The following FARP2 variants were observed in gnomAD, a reference collection of about 807,000 sequenced individuals.
FARP2 encodes the protein FERM, ARH/RhoGEF and pleckstrin domain protein 2.
In FARP2, 111 loss-of-function variants were observed where a neutral mutation model predicts 130.5. The observed-to-expected ratio is 0.85, with a 90% CI of 0.73 to 1.00. The LOEUF is 1.00. Ranked by LOEUF, FARP2 falls within the 50% of genes least tolerant of loss-of-function variation. FARP2 has a pLI of 0.00. For missense variants in FARP2, 1,385 were observed against 1,346.3 expected (o/e 1.03, Z -0.45); for synonymous variants, 504 against 516.9 (o/e 0.98, Z 0.34).
At chr2:241,462,916 C>G (rs2064063770) in intron 15 of FARP2, among the ~76,000 whole-genome samples, 1 of 152,164 alleles carries the variant, frequency 6.6e-6, no homozygotes, top group African/African-American at 2.4e-5. Context: ...TCCCAAACTC[C>G]TGACCTCAAG....
intron 2 of FARP2, among the ~76,000 whole-genome samples, chr2:241,397,991 G>T (rs544937096): frequency 6.6e-6 from 1 of 151,362 alleles, no homozygotes; most frequent in Admixed American, 6.6e-5. Context: ...CACCATGCCC[G>T]GCTAATTTTT....
chr2:241,442,228 C>A (rs1442682729), intron 13 of FARP2: 1 of 456,730 alleles, frequency 2.2e-6, no homozygotes, highest in Non-Finnish European at 4.4e-6. Context: ...CTCAGCCAGT[C>A]AATCTGAGGC....
chr2:241,373,128 A>G lies in FARP2; in HGVS notation c.21A>G (p.Thr7=). 2 of 1,445,928 alleles carry G rather than the reference A, an allele frequency of 1.4e-6. No homozygotes were observed. Among genetic ancestry groups the G allele is most frequent in the Non-Finnish European group, 1.8e-6 (2 of 1,085,638 alleles). The allele number at this position is 1,445,928 out of a possible 1,614,324, so 89.6% of individuals were successfully genotyped here. ...GAAGAATGGGGGAGATAGAAGGAAC[A>G]TACAGAGTCCTGCAGACTGCAGGGA... MGEIEG[T]YRVLQTAGMR... is the part of the protein sequence containing the mutation. Residue 7 remains threonine, a synonymous_variant, in exon 2 of 27, where the codon ACA becomes ACG. Coordinates refer to ENST00000264042, the MANE Select transcript of FARP2 (RefSeq NM_014808.4).
At chr2:241,378,424 T>C (rs908719631) in intron 2 of FARP2, among the ~76,000 whole-genome samples, 1 of 146,802 alleles carries the variant, frequency 6.8e-6, no homozygotes, top group Non-Finnish European at 1.5e-5. Flanking sequence ...CTATTTTTTT[T>C]TTTTTGAGTC....
chr2:241,364,843 C>G (rs913594738), intron 1 of FARP2, among the ~76,000 whole-genome samples: 16 of 152,168 alleles, frequency 1.1e-4, no homozygotes, highest in African/African-American at 3.9e-4. Context: ...GCTCTACATC[C>G]TGAGAGAAAC....
chr2:241,413,085 A>C (rs1353644520), intron 6 of FARP2, among the ~76,000 whole-genome samples: 1 of 152,214 alleles, frequency 6.6e-6, no homozygotes, highest in Non-Finnish European at 1.5e-5. Flanking sequence ...GTTACTAATC[A>C]GGCCTTTGTT....
In FARP2 at chr2:241,459,953, G is replaced by A. The variant is rs746161808; in HGVS notation, c.1588-2570G>A. Among the ~76,000 whole-genome samples the A allele has an allele frequency of 3.3e-5, 5 of 152,170 alleles. No homozygotes were observed. Among genetic ancestry groups the A allele is most frequent in the Non-Finnish European group, 4.4e-5 (3 of 68,032 alleles). ...GCGACTGCTGTGGCTCTCTGATGGCGTATGTGTCTCTATGTGCCTCGCCCC... is the reference window on the plus strand; with the variant it reads ...GCGACTGCTGTGGCTCTCTGATGGCATATGTGTCTCTATGTGCCTCGCCCC... On this transcript the variant is annotated intron_variant, in intron 14 of 26. Coordinates refer to ENST00000264042, the MANE Select transcript of FARP2 (RefSeq NM_014808.4). The surrounding 1 kb of genome is among the most constrained non-coding windows in gnomAD (Gnocchi z 5.3).
intron 4 of FARP2, among the ~76,000 whole-genome samples, chr2:241,406,819 A>T (rs529912618): frequency 1.3e-3 from 191 of 151,116 alleles, no homozygotes; most frequent in Non-Finnish European, 1.2e-3. Context: ...TTATTTATTT[A>T]TTTTTTGAGA....
chr2:241,409,094 T>C (rs2062447253), intron 5 of FARP2, among the ~76,000 whole-genome samples: 1 of 146,894 alleles, frequency 6.8e-6, no homozygotes, highest in African/African-American at 2.5e-5. Context: ...AAATGATGGA[T>C]AACAAAGTGT....
chr2:241,433,870 AC>A (rs1479813766), intron 9 of FARP2, among the ~76,000 whole-genome samples: 1 of 152,152 alleles, frequency 6.6e-6, no homozygotes, highest in Non-Finnish European at 1.5e-5. Flanking sequence ...TACAAAAAAT[AC>A]AAAAATCAGC....
intron 7 of FARP2, among the ~76,000 whole-genome samples, chr2:241,416,576 T>C (rs1425097640): frequency 3.3e-5 from 5 of 152,228 alleles, no homozygotes; most frequent in Admixed American, 2.6e-4. Context: ...AATCACTGAA[T>C]AGGATATTAA....
At chr2:241,490,616 C>T (rs1240873625) in intron 22 of FARP2, among the ~76,000 whole-genome samples, 3 of 152,208 alleles carry the variant, frequency 2.0e-5, no homozygotes, top group African/African-American at 7.2e-5. Context: ...CCTGCATGGT[C>T]ACCAGCACCA....
intron 1 of FARP2, among the ~76,000 whole-genome samples, chr2:241,361,444 G>A (rs557955094): frequency 1.4e-3 from 208 of 152,272 alleles, no homozygotes; most frequent in Non-Finnish European, 2.5e-3. Context: ...GTACCCTTAC[G>A]TGGATCTCAA....
intron 18 of FARP2, among the ~76,000 whole-genome samples, chr2:241,469,565 G>T (rs1427068294): frequency 6.6e-6 from 1 of 152,180 alleles, no homozygotes; most frequent in Non-Finnish European, 1.5e-5. Context: ...AAAAGAAAAT[G>T]TTTCATGTTT....
chr2:241,455,735 C>CTTTTTTTT (rs1180839402), intron 13 of FARP2, among the ~76,000 whole-genome samples: 11 of 94,776 alleles, frequency 1.2e-4, no homozygotes, highest in Non-Finnish European at 1.9e-4. Context: ...CTAAAGTTTT[C>CTTTTTTTT]TTTTTTTTTT....
intron 2 of FARP2, chr2:241,395,707 G>C (rs943175891): frequency 4.6e-5 from 7 of 152,190 alleles, no homozygotes; most frequent in African/African-American, 1.7e-4. Context: ...TTCCAGTTAT[G>C]AAGTGATTTG....
intron 1 of FARP2, among the ~76,000 whole-genome samples, chr2:241,359,087 G>A (rs963373693): frequency 5.9e-5 from 9 of 152,118 alleles, no homozygotes; most frequent in Non-Finnish European, 1.0e-4. Context: ...ATGGAAATAT[G>A]CTTTAAAATG....
chr2:241,483,576 GA>G, intron 20 of FARP2, 43 bp downstream of exon 20: 1 of 1,585,280 alleles, frequency 6.3e-7, no homozygotes, highest in Non-Finnish European at 8.7e-7. Context: ...CCCCGAGGGG[GA>G]TGGGCAGCAG....
At chr2:241,380,868 G>A (rs907231335) in intron 2 of FARP2, among the ~76,000 whole-genome samples, 1 of 152,040 alleles carries the variant, frequency 6.6e-6, no homozygotes, top group African/African-American at 2.4e-5. Context: ...GGAGGAGTGG[G>A]TGGGTAGTGC....
Sources: gnomAD v4.1 joint callset for allele counts (sites outside exome capture counted in the v4.1 genomes callset) on GRCh38, gnomAD v4.1.1 for gene constraint, Gnocchi (gnomAD v3.1) non-coding constraint, MANE v1.5 for transcripts, NCBI Gene and HGNC (gene_info 2026-07-23, HGNC 2026-07-21) for gene names.